EVI5: variants seen among roughly 807,000 people sequenced by gnomAD.
EVI5 encodes the protein ecotropic viral integration site 5 protein homolog.
EVI5 carries 73 observed loss-of-function variants against 112.0 expected under a neutral mutation model. The observed-to-expected ratio is 0.65, with a 90% CI of 0.54 to 0.79. The LOEUF is 0.79. Ranked by LOEUF, EVI5 falls within the 30% of genes least tolerant of loss-of-function variation. EVI5 has a pLI of 0.00. For synonymous variants in EVI5, 305 were observed against 319.9 expected, an observed-to-expected ratio of 0.95 and a Z score of 0.50; for missense variants, 900 against 968.8, an observed-to-expected ratio of 0.93 and a Z score of 0.94.
intron 18 of EVI5, among the ~76,000 whole-genome samples, chr1:92,567,272 G>C (rs2100950550): frequency 6.6e-6 from 1 of 152,176 alleles, no homozygotes; most frequent in South Asian, 2.1e-4. Context: ...TTTATAAAGT[G>C]AAAAAGTTAC....
chr1:92,786,770 T>A (rs1685669704), upstream of EVI5, among the ~76,000 whole-genome samples: 1 of 152,022 alleles, frequency 6.6e-6, no homozygotes, highest in Non-Finnish European at 1.5e-5. Flanking sequence ...GAAAAAACCC[T>A]CCTAACTAAC....
chr1:92,609,111 C>A (rs1359587712), intron 16 of EVI5, among the ~76,000 whole-genome samples: 1 of 152,108 alleles, frequency 6.6e-6, no homozygotes, highest in Admixed American at 6.5e-5. Flanking sequence ...TATGACCCAG[C>A]CAGAATTCTC....
Position 92,510,259 on chromosome 1 carries a change from G to T in EVI5, c.*3397C>A, listed in dbSNP as rs994341839. ...ATTCTAGAAAATTTCTTATCTTAAAGTCAAACTATAACCTTTACTCAATAA... is the reference window on the plus strand; with the variant it reads ...ATTCTAGAAAATTTCTTATCTTAAATTCAAACTATAACCTTTACTCAATAA... On this transcript the variant is annotated 3_prime_UTR_variant, in exon 20 of 20. Transcript: ENST00000684568. 2.6e-5 allele frequency: 4 copies of T among 152,122 alleles called. No homozygotes were observed. Among genetic ancestry groups the T allele is most frequent in the Admixed American group, 2.6e-4 (4 of 15,274 alleles). The allele number at this position is 152,122 out of a possible 1,614,324, so 9.4% of individuals were successfully genotyped here.
intron 2 of EVI5, among the ~76,000 whole-genome samples, chr1:92,708,105 T>G (rs6669914): frequency 6.6e-6 from 1 of 152,070 alleles, no homozygotes; most frequent in Non-Finnish European, 1.5e-5. Flanking sequence ...AAAGCCTTAA[T>G]TATGACCAAA....
chr1:92,535,386 G>C (rs1663688686), intron 19 of EVI5, among the ~76,000 whole-genome samples: 1 of 152,160 alleles, frequency 6.6e-6, no homozygotes, highest in African/African-American at 2.4e-5. Flanking sequence ...AATACCATTT[G>C]ACCCAGCAAT....
chr1:92,744,048 G>C (rs1392909599), intron 1 of EVI5, among the ~76,000 whole-genome samples: 3 of 151,940 alleles, frequency 2.0e-5, no homozygotes, highest in African/African-American at 4.8e-5. Context: ...AATATTTTTA[G>C]TTTGAGACTT....
At chr1:92,783,602 AAG>A (rs1229782711) in intron 1 of EVI5, among the ~76,000 whole-genome samples, 2 of 151,770 alleles carry the variant, frequency 1.3e-5, no homozygotes, top group Non-Finnish European at 2.9e-5. Context: ...ACACGAGGTC[AAG>A]AGATCAAGAC....
intron 16 of EVI5, among the ~76,000 whole-genome samples, chr1:92,618,725 G>T (rs1653800207): frequency 2.0e-5 from 3 of 152,210 alleles, no homozygotes; most frequent in Admixed American, 1.3e-4. Flanking sequence ...GTAACGGAAG[G>T]TTAGTCATTA....
upstream of EVI5, among the ~76,000 whole-genome samples, chr1:92,788,861 C>T (rs996508798): frequency 6.6e-6 from 1 of 152,120 alleles, no homozygotes; most frequent in African/African-American, 2.4e-5. Flanking sequence ...TAATAGCTAA[C>T]ACCTGGTTGA....
At chr1:92,632,276 C>T (rs994494222) in intron 14 of EVI5, among the ~76,000 whole-genome samples, 9 of 152,016 alleles carry the variant, frequency 5.9e-5, no homozygotes, top group Non-Finnish European at 1.3e-4. Flanking sequence ...CTCCTTGTAC[C>T]TCTGGTAGAA....
At chr1:92,524,930 C>T (rs934706364) in intron 19 of EVI5, among the ~76,000 whole-genome samples, 3 of 150,608 alleles carry the variant, frequency 2.0e-5, no homozygotes, top group Non-Finnish European at 4.4e-5. Flanking sequence ...CAGACTCAAG[C>T]AATTCTCCTG....
intron 1 of EVI5, among the ~76,000 whole-genome samples, chr1:92,778,390 C>T (rs1255146569): frequency 6.6e-6 from 1 of 152,068 alleles, no homozygotes; most frequent in Admixed American, 6.6e-5. Flanking sequence ...AGTGGCCCCA[C>T]CCTCAATGTG....
At chr1:92,775,738 T>C (rs760483382) in intron 1 of EVI5, among the ~76,000 whole-genome samples, 49 of 152,330 alleles carry the variant, frequency 3.2e-4, no homozygotes, top group African/African-American at 1.1e-3. Flanking sequence ...TGTTACTAAC[T>C]TGTGGTAGAA....
At position 92,682,733 on chromosome 1, in the gene EVI5, T is replaced by A. The variant is rs558892435; in HGVS notation, c.1098-5515A>T. ...ACCATTGTACTCCAGCCTGCAAGAC[T>A]TCGTCTCAAAAAAAAAGAAAGAAAC... On this transcript the variant is annotated intron_variant, in intron 9 of 19. Coordinates refer to ENST00000684568, the MANE Select transcript of EVI5 (RefSeq NM_001350197.2). 2.6e-5 allele frequency among the ~76,000 whole-genome samples: 4 copies of A among 152,206 alleles called. No individual in the cohort carries two copies. In the South Asian group the frequency reaches 6.2e-4, roughly 24 times the overall value.
At chr1:92,715,651 C>T (rs538359595) in intron 2 of EVI5, among the ~76,000 whole-genome samples, 4 of 152,268 alleles carry the variant, frequency 2.6e-5, no homozygotes, top group Non-Finnish European at 4.4e-5. Context: ...CAAAGCAGGG[C>T]GGGGCGTCAC....
intron 1 of EVI5, among the ~76,000 whole-genome samples, chr1:92,775,960 T>C (rs188807005): frequency 2.1e-3 from 326 of 151,924 alleles, no homozygotes; most frequent in African/African-American, 7.5e-3. Context: ...TATCAAAAAT[T>C]AGCCAGGCGT....
chr1:92,561,615 ATCTATC>A (rs1557790377), intron 19 of EVI5, among the ~76,000 whole-genome samples: 1 of 76,100 alleles, frequency 1.3e-5, no homozygotes, highest in Non-Finnish European at 2.9e-5. Flanking sequence ...TATCCTATCT[ATCTATC>A]TATCTATCTA....
chr1:92,748,238 C>T (rs1558195609), intron 1 of EVI5, among the ~76,000 whole-genome samples: 1 of 152,116 alleles, frequency 6.6e-6, no homozygotes, highest in Non-Finnish European at 1.5e-5. Flanking sequence ...AATCTGGCTA[C>T]CATGCTTTCA....
At chr1:92,611,044 A>G (rs975325723) in intron 16 of EVI5, among the ~76,000 whole-genome samples, 3 of 151,990 alleles carry the variant, frequency 2.0e-5, no homozygotes, top group African/African-American at 4.8e-5. Context: ...ACATGTATAC[A>G]TATGTAACTA....
Sources: gnomAD v4.1 joint callset for allele counts (sites outside exome capture counted in the v4.1 genomes callset) on GRCh38, gnomAD v4.1.1 for gene constraint, MANE v1.5 for transcripts, NCBI Gene and HGNC (gene_info 2026-07-23, HGNC 2026-07-21) for gene names.